Variants in RGPD5 observed in about 807,000 individuals in gnomAD.
RGPD5 encodes RANBP2-like and GRIP domain-containing protein 5/6.
chr2:109,768,568 CT>C, the RGPD5 span, among the ~76,000 whole-genome samples: 1 of 138,104 alleles, frequency 7.2e-6, no homozygotes, highest in Non-Finnish European at 1.6e-5. Context: ...ACATTTCTAA[CT>C]GGCTCCCAAG....
the RGPD5 span, among the ~76,000 whole-genome samples, chr2:109,764,332 C>T: frequency 1.9e-4 from 28 of 146,104 alleles, no homozygotes; most frequent in Admixed American, 2.9e-4. Context: ...CCCTGGTCTT[C>T]CTTCTGTGGT....
chr2:109,766,327 G>A, the RGPD5 span, among the ~76,000 whole-genome samples: 4 of 150,852 alleles, frequency 2.7e-5, no homozygotes, highest in African/African-American at 9.7e-5. Context: ...CCGCTGTGGA[G>A]GAGCTCAGCC....
intron 1 of RGPD5, among the ~76,000 whole-genome samples, chr2:109,799,299 T>G (rs1248346468): frequency 8.8e-6 from 1 of 114,062 alleles, no homozygotes; most frequent in Non-Finnish European, 1.7e-5. Flanking sequence ...CTGTCCTGAC[T>G]GTTGTGTATT....
the RGPD5 span, among the ~76,000 whole-genome samples, chr2:109,767,100 C>T: frequency 1.4e-5 from 2 of 143,620 alleles, no homozygotes; most frequent in South Asian, 4.9e-4. Context: ...GACTGGCCTA[C>T]CTCATAAGGT....
At chr2:109,770,551 AG>A in the RGPD5 span, among the ~76,000 whole-genome samples, 1 of 65,020 alleles carries the variant, frequency 1.5e-5, no homozygotes, top group Non-Finnish European at 2.6e-5. Flanking sequence ...TAAGGAGTGC[AG>A]GGGTCCCCAG....
At chr2:109,762,772 A>G in the RGPD5 span, among the ~76,000 whole-genome samples, 1 of 97,648 alleles carries the variant, frequency 1.0e-5, no homozygotes, top group Non-Finnish European at 2.0e-5. Flanking sequence ...TTATGAAGGC[A>G]TGTAGACTTT....
the RGPD5 span, among the ~76,000 whole-genome samples, chr2:109,765,545 G>A: frequency 1.5e-4 from 23 of 150,462 alleles, 2 homozygotes; most frequent in Non-Finnish European, 2.7e-4. Flanking sequence ...CGCTTGAGGG[G>A]GCATGGGCAC....
At chr2:109,778,225 C>A in the RGPD5 span, among the ~76,000 whole-genome samples, 1 of 136,904 alleles carries the variant, frequency 7.3e-6, no homozygotes, top group African/African-American at 2.8e-5. Context: ...AGTGTAAGGC[C>A]CTAGGGTTGA....
At chr2:109,779,086 TA>T in the RGPD5 span, among the ~76,000 whole-genome samples, 3 of 133,688 alleles carry the variant, frequency 2.2e-5, no homozygotes, top group African/African-American at 8.5e-5. Context: ...CCTTAACATA[TA>T]AACAGAAAGT....
the RGPD5 span, among the ~76,000 whole-genome samples, chr2:109,774,507 T>TATATATATATAAAAA: frequency 1.4e-5 from 1 of 73,676 alleles, no homozygotes; most frequent in East Asian, 4.1e-4. Flanking sequence ...AACATATATA[T>TATATATATATAAAAA]ATATATAATA....
the RGPD5 span, among the ~76,000 whole-genome samples, chr2:109,763,789 A>T: frequency 2.1e-4 from 32 of 150,166 alleles, 2 homozygotes; most frequent in South Asian, 6.8e-3. Context: ...TTTAATCCCT[A>T]AGAACTTTTT....
the RGPD5 span, among the ~76,000 whole-genome samples, chr2:109,777,440 A>G: frequency 2.9e-5 from 4 of 138,376 alleles, no homozygotes; most frequent in Middle Eastern, 3.7e-3. Flanking sequence ...TCACTTGGTT[A>G]TGGTATATAA....
chr2:109,762,327 C>T, the RGPD5 span, among the ~76,000 whole-genome samples: 1 of 150,040 alleles, frequency 6.7e-6, no homozygotes, highest in Admixed American at 6.8e-5. Flanking sequence ...TATAGGTTTA[C>T]ATTTAGAGAT....
At chr2:109,766,898 GTTTT>G in the RGPD5 span, among the ~76,000 whole-genome samples, 12 of 149,084 alleles carry the variant, frequency 8.0e-5, no homozygotes, top group Admixed American at 1.4e-4. Flanking sequence ...TTTTGTTGTT[GTTTT>G]ATTTCAAAGT....
the RGPD5 span, among the ~76,000 whole-genome samples, chr2:109,763,284 T>C: frequency 6.6e-6 from 1 of 150,586 alleles, no homozygotes; most frequent in Non-Finnish European, 1.5e-5. Flanking sequence ...ATGTTTTAGC[T>C]CATTTAATTA....
the RGPD5 span, among the ~76,000 whole-genome samples, chr2:109,763,441 CA>C: frequency 6.7e-6 from 1 of 150,138 alleles, no homozygotes; most frequent in Non-Finnish European, 1.5e-5. Context: ...GATCTGACTT[CA>C]AATCCAGTCA....
chr2:109,774,519 ATATT>A, the RGPD5 span, among the ~76,000 whole-genome samples: 8 of 88,220 alleles, frequency 9.1e-5, no homozygotes, highest in East Asian at 2.6e-3. Flanking sequence ...TATATAATAT[ATATT>A]ATATATATTA....
the RGPD5 span, among the ~76,000 whole-genome samples, chr2:109,778,302 C>T: frequency 7.3e-6 from 1 of 137,294 alleles, no homozygotes; most frequent in East Asian, 2.3e-4. Context: ...TTGTAAAATG[C>T]AGATAATGTG....
chr2:109,764,227 C>A, the RGPD5 span, among the ~76,000 whole-genome samples: 1 of 149,582 alleles, frequency 6.7e-6, no homozygotes, highest in Non-Finnish European at 1.5e-5. Context: ...GCACCCGACA[C>A]TGTAGCTTTG....
Sources: gnomAD v4.1 joint callset for allele counts (sites outside exome capture counted in the v4.1 genomes callset) on GRCh38, gnomAD v4.1.1 for gene constraint, MANE v1.5 for transcripts, NCBI Gene and HGNC (gene_info 2026-07-23, HGNC 2026-07-21) for gene names.